Variants in EPRS1 observed in about 807,000 individuals in gnomAD.
EPRS1 encodes the protein glutamyl-prolyl-tRNA synthetase 1, also known as bifunctional glutamate/proline--tRNA ligase.
Under a neutral mutation model 188.3 loss-of-function variants are expected in EPRS1, and 107 were observed. The ratio of observed to expected loss-of-function variants is 0.57; its 90% CI spans 0.49 to 0.67. The LOEUF is 0.67. Among genes scored for constraint, EPRS1 ranks in the 30% least tolerant of loss-of-function variants. The pLI, the probability that EPRS1 is intolerant of heterozygous loss-of-function variation, is 0.00. For missense variants in EPRS1, 1,577 were observed against 1,802.2 expected (o/e 0.88, Z 2.26); for synonymous variants, 596 against 593.1 (o/e 1.00, Z -0.07).
rs1178180457 is a variant in EPRS1, at chr1:220,035,003, A to G, written c.142T>C (p.Phe48Leu). 8.3e-6 allele frequency: 13 copies of G among 1,559,722 alleles called. No individual in the cohort carries two copies. Among genetic ancestry groups the G allele is most frequent in the Non-Finnish European group, 1.1e-5 (13 of 1,143,496 alleles). ...NILHVSENVI[F>L]TDVNSILRYL... Reference sequence around the variant, plus strand: ...CGAAGTATAGAATTCACATCTGTGAATATCACATTTCTAGAATATAAGCAC... The same window carrying G: ...CGAAGTATAGAATTCACATCTGTGAGTATCACATTTCTAGAATATAAGCAC... Residue 48 changes from phenylalanine (F) to leucine (L), a missense_variant, in exon 3 of 32, where the codon TTC becomes CTC. Physicochemically the swap from Phe to Leu is conservative, Grantham distance 22 (BLOSUM62 0). Around this residue, in one of 3 missense-constraint regions of EPRS1, gnomAD observed 1,278 missense variants for 1,457.4 expected, o/e 0.88. Coordinates refer to ENST00000366923, the MANE Select transcript of EPRS1 (RefSeq NM_004446.3).
Position 220,034,736 on chromosome 1 carries a change from A to T in EPRS1, c.231+178T>A, listed in dbSNP as rs137874108. Among the ~76,000 whole-genome samples the T allele has an allele frequency of 6.0e-4, 91 of 152,352 alleles. No individual in the cohort carries two copies. The East Asian group carries it at 0.016, about 27-fold the overall frequency. Reference sequence around the variant, plus strand: ...AGGTTCAAACTTAGGAATTACAAAAAAAGAATTTTTTTGTGACAAAAAAAC... The same window carrying T: ...AGGTTCAAACTTAGGAATTACAAAATAAGAATTTTTTTGTGACAAAAAAAC... On this transcript the variant is annotated intron_variant, in intron 3 of 31. Transcript: ENST00000366923.
chr1:220,002,435 T>C (rs2647447), intron 16 of EPRS1, among the ~76,000 whole-genome samples: 122,022 of 152,158 alleles, frequency 0.8, 49,096 homozygotes, highest in East Asian at 0.93. Context: ...CAAAATTATA[T>C]CTGCTATGCC....
intron 12 of EPRS1, among the ~76,000 whole-genome samples, chr1:220,013,582 C>A (rs1383095190): frequency 6.6e-6 from 1 of 152,094 alleles, no homozygotes; most frequent in African/African-American, 2.4e-5. Flanking sequence ...TTCAGCTCTG[C>A]CAGTAACACT....
chr1:220,045,072 C>G (rs767642534), intron 1 of EPRS1, among the ~76,000 whole-genome samples: 1 of 152,176 alleles, frequency 6.6e-6, no homozygotes, highest in Non-Finnish European at 1.5e-5. Context: ...TGTTCAACAA[C>G]CTTAAAACAT....
At chr1:219,970,668 C>T (rs1248443780) in intron 30 of EPRS1, among the ~76,000 whole-genome samples, 5 of 151,628 alleles carry the variant, frequency 3.3e-5, no homozygotes, top group East Asian at 1.9e-4. Context: ...ATCCCAGCCA[C>T]GTGGAAGGCT....
intron 6 of EPRS1, among the ~76,000 whole-genome samples, chr1:220,026,742 G>A (rs563659530): frequency 6.6e-6 from 1 of 151,834 alleles, no homozygotes; most frequent in East Asian, 1.9e-4. Flanking sequence ...GTGTTAGCCA[G>A]GATGGTCTCG....
chr1:220,037,329 A>C (rs1161588313), intron 2 of EPRS1, among the ~76,000 whole-genome samples: 6 of 152,070 alleles, frequency 3.9e-5, no homozygotes. Flanking sequence ...ACATAGTGAA[A>C]TCCCATCTCT....
At chr1:219,999,543 A>G (rs1661303152) in intron 17 of EPRS1, among the ~76,000 whole-genome samples, 1 of 152,150 alleles carries the variant, frequency 6.6e-6, no homozygotes. Flanking sequence ...GAGGCCTTAA[A>G]TGATAGTTAA....
chr1:220,033,119 G>T (rs1464173758), intron 4 of EPRS1, among the ~76,000 whole-genome samples: 1 of 151,964 alleles, frequency 6.6e-6, no homozygotes, highest in East Asian at 1.9e-4. Context: ...TAACCTCCCA[G>T]TCACACACTC....
chr1:220,017,737 AG>A (rs1224572115), intron 12 of EPRS1, among the ~76,000 whole-genome samples: 1 of 152,190 alleles, frequency 6.6e-6, no homozygotes, highest in African/African-American at 2.4e-5. Flanking sequence ...CTTTCCAATT[AG>A]TAATTAACAA....
At position 220,007,271 on chromosome 1, in the gene EPRS1, T is replaced by A; in HGVS notation, c.1673A>T (p.Glu558Val). Residue 558 changes from glutamate (E) to valine (V), a missense_variant, in exon 14 of 32, where the codon GAG becomes GTG. Around this residue, in one of 3 missense-constraint regions of EPRS1, gnomAD observed 1,278 missense variants for 1,457.4 expected, o/e 0.88. Transcript: ENST00000366923. The stretch of plus-strand genomic sequence containing the variant: ...AACCATCTCACCCTCCGAAAAAGTC[T>A]CTGCATCAGCACCTTCAATGAAAAC... Reference protein sequence around the residue: ...PKVFIEGADAETFSEGEMVTF... With the variant: ...PKVFIEGADAVTFSEGEMVTF... 1 of 1,613,948 alleles carries A rather than the reference T, an allele frequency of 6.2e-7. No individual in the cohort carries two copies. The highest frequency in any genetic ancestry group is 8.5e-7 in the Non-Finnish European group (1 of 1,179,850).
rs752555807 is a variant in EPRS1 at position 220,018,505 on chromosome 1, A to G, written c.1438T>C (p.Ser480Pro). 2 of 1,609,716 alleles carry G rather than the reference A, an allele frequency of 1.2e-6. No individual in the cohort carries two copies. Among genetic ancestry groups the G allele is most frequent in the East Asian group, 4.5e-5 (2 of 44,748 alleles). ...GLKQFIAAQG[S>P]SRSVVNMEWD... ...TCCATGTTCACGACTGAACGTGAGG[A>G]GCCCTAAAAAACAATAACAACATGA... The change falls in exon 12 of 32, where the codon TCC (serine) becomes CCC (proline). Residue 480 changes from serine to proline, a missense_variant. Physicochemically the swap from Ser to Pro is moderately conservative, Grantham distance 74. Coordinates refer to ENST00000366923, the MANE Select transcript of EPRS1 (RefSeq NM_004446.3).
chr1:219,984,223 C>A lies in EPRS1; in HGVS notation c.3073G>T (p.Ala1025Ser), dbSNP rs759640732. 1 of 1,613,490 alleles carries A rather than the reference C, an allele frequency of 6.2e-7. No individual in the cohort carries two copies. Among genetic ancestry groups the A allele is most frequent in the Non-Finnish European group, 8.5e-7 (1 of 1,179,550 alleles). ...GLEAKKEENL[A>S]DWYSQVITKS... is the part of the protein sequence containing the mutation. Reference sequence around the variant, plus strand: ...ATACTCACCTGAGAATACCAATCAGCAAGATTTTCTTCTTTTTTTGCCTCA... The same window carrying A: ...ATACTCACCTGAGAATACCAATCAGAAAGATTTTCTTCTTTTTTTGCCTCA... Residue 1025 changes from alanine to serine, a missense_variant, in exon 21 of 32, where the codon GCT (alanine) becomes TCT (serine). Physicochemically the swap from Ala to Ser is moderately conservative, Grantham distance 99 (BLOSUM62 1). Around this residue, in one of 3 missense-constraint regions of EPRS1, gnomAD observed 1,278 missense variants for 1,457.4 expected, o/e 0.88. Transcript: ENST00000366923.
chr1:220,020,839 T>C (rs1234939779), intron 9 of EPRS1, among the ~76,000 whole-genome samples: 7 of 9,220 alleles, frequency 7.6e-4, no homozygotes, highest in Non-Finnish European at 2.3e-3. Flanking sequence ...TATATATATA[T>C]ATATATATAT....
At chr1:220,005,824 TTTTTGTTTTTTTTTTTG>T (rs1010834534) in intron 15 of EPRS1, among the ~76,000 whole-genome samples, 1 of 38,914 alleles carries the variant, frequency 2.6e-5, no homozygotes, top group Non-Finnish European at 4.3e-5. Flanking sequence ...ATCGTTTTTT[TTTTTGTTTTTTTTTTTG>T]TTTTTTTTTG....
At chr1:219,972,740 G>A (rs578127894) in intron 29 of EPRS1, among the ~76,000 whole-genome samples, 47 of 152,276 alleles carry the variant, frequency 3.1e-4, no homozygotes, top group Non-Finnish European at 2.8e-4. Context: ...AGGTGAGGGC[G>A]GCCCTAAGGC....
At chr1:220,004,030 C>T (rs2789800) in intron 16 of EPRS1, among the ~76,000 whole-genome samples, 122,018 of 152,112 alleles carry the variant, frequency 0.8, 49,104 homozygotes, top group East Asian at 0.93. Context: ...AAACTAACAA[C>T]AATGTTTGTT....
At chr1:220,023,988 C>T (rs962958484) in intron 8 of EPRS1, among the ~76,000 whole-genome samples, 1 of 152,128 alleles carries the variant, frequency 6.6e-6, no homozygotes, top group Non-Finnish European at 1.5e-5. Context: ...CCCGTCTCTA[C>T]TAAAAATACA....
In EPRS1 at chr1:219,982,762, C is replaced by CT; in HGVS notation, c.3373+9dup. The CT allele has an allele frequency of 1.2e-6, 2 of 1,612,716 alleles. No individual in the cohort carries two copies. Among genetic ancestry groups the CT allele is most frequent in the Non-Finnish European group, 8.5e-7 (1 of 1,178,768 alleles). On this transcript the variant is annotated intron_variant, in intron 23 of 31. Coordinates refer to ENST00000366923, the MANE Select transcript of EPRS1 (RefSeq NM_004446.3). ...TGAGCATTCTCTTGCACTCCAATGC[C>CT]TATTCTCACCTGTTTCACTAGTAGG...
Sources: allele counts gnomAD v4.1 joint callset (sites outside exome capture counted in the v4.1 genomes callset), GRCh38; gene constraint gnomAD v4.1.1; regional missense constraint gnomAD v4.1.1; transcripts MANE v1.5; gene names NCBI Gene and HGNC (gene_info 2026-07-23, HGNC 2026-07-21).